Variants in SPTB observed in about 807,000 individuals in gnomAD.
SPTB encodes the protein spectrin beta chain, erythrocytic.
A neutral mutation model predicts 256.2 loss-of-function variants in SPTB; 45 were observed. The ratio of observed to expected loss-of-function variants is 0.18; its 90% CI spans 0.14 to 0.23. SPTB has a LOEUF of 0.23. Among genes scored for constraint, SPTB ranks in the 10% least tolerant of loss-of-function variants. The probability of loss-of-function intolerance (pLI) is 1.00; values close to 1 mark genes in which losing one functional copy is unlikely to be tolerated. For synonymous variants in SPTB, 1,231 were observed against 1,243.1 expected, an observed-to-expected ratio of 0.99 and a Z score of 0.21; for missense variants, 2,715 against 3,040.4, an observed-to-expected ratio of 0.89 and a Z score of 2.52.
intron 1 of SPTB, among the ~76,000 whole-genome samples, chr14:64,869,396 C>T (rs1431292091): frequency 6.6e-6 from 1 of 152,138 alleles, no homozygotes; most frequent in Non-Finnish European, 1.5e-5. Context: ...CACACTCTAA[C>T]CAACTGAGCT....
At chr14:64,762,626 A>G (rs1457438608) in intron 32 of SPTB, among the ~76,000 whole-genome samples, 1 of 152,234 alleles carries the variant, frequency 6.6e-6, no homozygotes, top group Non-Finnish European at 1.5e-5. Flanking sequence ...CTCAGCTCCT[A>G]CGTTCAGCCC....
intron 1 of SPTB, among the ~76,000 whole-genome samples, chr14:64,875,903 G>A (rs1882802305): frequency 6.6e-6 from 1 of 151,966 alleles, no homozygotes; most frequent in East Asian, 1.9e-4. Flanking sequence ...TAGGTCTCAG[G>A]TTATTTTTTT....
At position 64,777,470 on chromosome 14, in the gene SPTB, G is replaced by A. The variant is rs555587301; in HGVS notation, c.4563+1687C>T. 6.6e-6 allele frequency among the ~76,000 whole-genome samples: 1 copy of A among 152,342 alleles called. No individual in the cohort carries two copies. Among genetic ancestry groups the A allele is most frequent in the Admixed American group, 6.5e-5 (1 of 15,304 alleles). ...TCTAAAAGTTCCCTAGGTGATGTGA[G>A]TGTACAGCCAGGGGTGAGAGCCCTT... On this transcript the variant is annotated intron_variant, in intron 22 of 35. Coordinates refer to ENST00000644917, the MANE Select transcript of SPTB (RefSeq NM_001355436.2). This position sits in a 1 kb window ranked among gnomAD's most constrained non-coding sequence, Gnocchi z 4.5.
chr14:64,769,539 C>G lies in SPTB; in HGVS notation c.5937+51G>C, dbSNP rs116026609. 2,255 of 1,609,606 alleles carry G rather than the reference C, an allele frequency of 1.4e-3. 35 individuals carry two copies. In the African/African-American group the frequency reaches 0.026, roughly 19 times the overall value. On this transcript the variant is annotated intron_variant, in intron 28 of 35. Transcript: ENST00000644917. ...CTCCCAGGAGGCTGCCTGGCTGGCA[C>G]AGTGGGGACGGAGACGGAGGAGCTC...
intron 1 of SPTB, among the ~76,000 whole-genome samples, chr14:64,878,379 A>C (rs1451406175): frequency 6.6e-6 from 1 of 152,176 alleles, no homozygotes; most frequent in Non-Finnish European, 1.5e-5. Flanking sequence ...GCATACATTA[A>C]CAATCATTTT....
chr14:64,785,656 A>G lies in SPTB; in HGVS notation c.3765-29T>C. 1 of 1,613,734 alleles carries G rather than the reference A, an allele frequency of 6.2e-7. No individual in the cohort carries two copies. Among genetic ancestry groups the G allele is most frequent in the Non-Finnish European group, 8.5e-7 (1 of 1,179,686 alleles). On this transcript the variant is annotated intron_variant, in intron 17 of 35. Transcript: ENST00000644917. The surrounding 1 kb of genome is among the most constrained non-coding windows in gnomAD (Gnocchi z 4.4). ...GAAAGGAAGCCAAAAGCACAGTCAC[A>G]ATAGTGCCGAGCTTGGGGTCCTCAC...
intron 1 of SPTB, among the ~76,000 whole-genome samples, chr14:64,837,107 C>A (rs1173129951): frequency 1.3e-5 from 2 of 152,128 alleles, no homozygotes; most frequent in East Asian, 3.8e-4. Flanking sequence ...AGAGGCAGAC[C>A]CTTGGCAGGG....
chr14:64,836,655 G>A (rs1011095920), intron 1 of SPTB, among the ~76,000 whole-genome samples: 5 of 152,044 alleles, frequency 3.3e-5, no homozygotes, highest in African/African-American at 7.3e-5. Context: ...CAGACCTAGC[G>A]GCCATCCTAC....
Position 64,777,922 on chromosome 14 carries a change from G to C in SPTB, c.4563+1235C>G, listed in dbSNP as rs2082390014. Among the ~76,000 whole-genome samples, 1 of 152,136 alleles carries C rather than the reference G, an allele frequency of 6.6e-6. No individual in the cohort carries two copies. Among genetic ancestry groups the C allele is most frequent in the Admixed American group, 6.5e-5 (1 of 15,274 alleles). On this transcript the variant is annotated intron_variant, in intron 22 of 35. Transcript: ENST00000644917. The surrounding 1 kb of genome is among the most constrained non-coding windows in gnomAD (Gnocchi z 4.5). ...CCGAAATAGCAACTGCCAGCCAGGG[G>C]AGTTAAAAACCTTTGAACAATAACA...
At chr14:64,754,645 C>T (rs1163200788) in intron 32 of SPTB, 2 of 152,696 alleles carry the variant, frequency 1.3e-5, no homozygotes, top group Non-Finnish European at 2.9e-5. Context: ...TCTTTACCTC[C>T]CTGCACCTCC....
intron 23 of SPTB, 52 bp from the exon 24 acceptor site, chr14:64,774,579 C>T (rs1331244097): frequency 6.4e-7 from 1 of 1,550,624 alleles, no homozygotes; most frequent in Non-Finnish European, 8.7e-7. Context: ...CATGATCCCT[C>T]CCTTGGCAAG....
rs1463862387 is a variant in SPTB at position 64,795,670 on chromosome 14, A to G, written c.1342-31T>C. On this transcript the variant is annotated intron_variant, in intron 11 of 35. Coordinates refer to ENST00000644917, the MANE Select transcript of SPTB (RefSeq NM_001355436.2). This position sits in a 1 kb window ranked among gnomAD's most constrained non-coding sequence, Gnocchi z 6.5. The stretch of plus-strand genomic sequence containing the variant: ...CCACCGGGAGAAAAACAGGCAGCTC[A>G]GTCAGACACCCAGGGGCTCATCCCC... The G allele has an allele frequency of 4.3e-6, 7 of 1,612,448 alleles. No individual in the cohort carries two copies. Among genetic ancestry groups the G allele is most frequent in the Non-Finnish European group, 5.9e-6 (7 of 1,179,556 alleles).
chr14:64,754,563 A>C (rs1463379898), intron 32 of SPTB: 1 of 153,704 alleles, frequency 6.5e-6, no homozygotes, highest in East Asian at 1.9e-4. Flanking sequence ...TGAGCATTTC[A>C]TGGGATCTAA....
At chr14:64,855,486 T>C (rs1388987735) in intron 1 of SPTB, among the ~76,000 whole-genome samples, 2 of 152,138 alleles carry the variant, frequency 1.3e-5, no homozygotes, top group Non-Finnish European at 2.9e-5. Flanking sequence ...TCCCTTGTGT[T>C]CTAACATGAC....
intron 1 of SPTB, among the ~76,000 whole-genome samples, chr14:64,836,149 C>T (rs1370973841): frequency 6.6e-6 from 1 of 152,232 alleles, no homozygotes; most frequent in Non-Finnish European, 1.5e-5. Flanking sequence ...ATAATTCTTA[C>T]TCTTTGCTCT....
In SPTB at chr14:64,750,057, C is replaced by T. The variant is rs1005188673; in HGVS notation, c.6700G>A (p.Glu2234Lys). 16 of 1,614,084 alleles carry T rather than the reference C, an allele frequency of 9.9e-6. No individual in the cohort carries two copies. The highest frequency in any genetic ancestry group is 1.3e-5 in the Non-Finnish European group (15 of 1,180,026). ...LALGMPYHGE[E>K]PLALRHAICE... is the part of the protein sequence containing the mutation. ...ATGGCATGTCTCAGGGCCAGGGGTT[C>T]CTCCCCATGGTAGGGCATCCCCAGG... The change falls in exon 34 of 36, where the codon GAA becomes AAA. Residue 2234 changes from glutamate (E) to lysine (K), a missense_variant. Around this residue, in one of 4 missense-constraint regions of SPTB, gnomAD observed 2,239 missense variants for 2,384.4 expected, o/e 0.94. Coordinates refer to ENST00000644917, the MANE Select transcript of SPTB (RefSeq NM_001355436.2).
rs962828549 is a variant in SPTB, at chr14:64,863,069, G to C, written c.-52+16723C>G. On this transcript the variant is annotated intron_variant, in intron 1 of 35. Transcript: ENST00000644917. Reference sequence around the variant, plus strand: ...CTTCCATTCCTACTGCCCTGGTTTAGACCCTCTTGAGTCCTTTGTTATATT... The same window carrying C: ...CTTCCATTCCTACTGCCCTGGTTTACACCCTCTTGAGTCCTTTGTTATATT... 9.2e-4 allele frequency among the ~76,000 whole-genome samples: 140 copies of C among 152,166 alleles called. 1 individual carries two copies. The highest frequency in any genetic ancestry group is 3.3e-3 in the African/African-American group (136 of 41,522).
Position 64,749,851 on chromosome 14 carries a change from C to T in SPTB, c.6776+130G>A. The T allele has an allele frequency of 1.3e-6, 2 of 1,498,654 alleles. No homozygotes were observed. Among genetic ancestry groups the T allele is most frequent in the Non-Finnish European group, 1.8e-6 (2 of 1,083,280 alleles). The allele number at this position is 1,498,654 out of a possible 1,614,324, so 92.8% of individuals were successfully genotyped here. On this transcript the variant is annotated intron_variant, in intron 34 of 35. Transcript: ENST00000644917. This position sits in a 1 kb window ranked among gnomAD's most constrained non-coding sequence, Gnocchi z 4.7. ...AGAGGTCAAAGTCTGGACCATCAGC[C>T]TCTTTGATTTGAAAAACCCCTGAGG...
chr14:64,850,765 C>T (rs929690767), intron 1 of SPTB, among the ~76,000 whole-genome samples: 4 of 152,286 alleles, frequency 2.6e-5, no homozygotes, highest in South Asian at 2.1e-4. Flanking sequence ...ATCTCCATTC[C>T]CAATGATTCC....
Sources: allele counts gnomAD v4.1 joint callset (sites outside exome capture counted in the v4.1 genomes callset), GRCh38; gene constraint gnomAD v4.1.1; regional missense constraint gnomAD v4.1.1; non-coding constraint Gnocchi (gnomAD v3.1); transcripts MANE v1.5; gene names NCBI Gene and HGNC (gene_info 2026-07-23, HGNC 2026-07-21).